RABEP1: variants seen among roughly 807,000 people sequenced by gnomAD.
RABEP1 encodes rab GTPase-binding effector protein 1.
RABEP1 carries 51 observed loss-of-function variants against 123.4 expected under a neutral mutation model. That is an observed-to-expected ratio of 0.41 (90% CI 0.33 to 0.52). The LOEUF (loss-of-function observed/expected upper bound fraction) is 0.52, where lower values mean the gene tolerates loss of function less well. Ranked by LOEUF, RABEP1 falls within the 20% of genes least tolerant of loss-of-function variation. The probability of loss-of-function intolerance (pLI) is 0.16; values close to 1 mark genes in which losing one functional copy is unlikely to be tolerated. For missense variants in RABEP1, 888 were observed against 996.3 expected (o/e 0.89, Z 1.46); for synonymous variants, 347 against 355.2 (o/e 0.98, Z 0.26).
At chr17:5,290,757 C>G (rs897057852) in intron 1 of RABEP1, among the ~76,000 whole-genome samples, 1 of 152,080 alleles carries the variant, frequency 6.6e-6, no homozygotes, top group African/African-American at 2.4e-5. Flanking sequence ...CCCAGCCTGA[C>G]TAATTTTTTT....
chr17:5,296,959 G>A (rs1443521198), intron 1 of RABEP1, among the ~76,000 whole-genome samples: 3 of 151,728 alleles, frequency 2.0e-5, no homozygotes. Flanking sequence ...GACTGGTCTC[G>A]AACTCTTGGC....
intron 1 of RABEP1, among the ~76,000 whole-genome samples, chr17:5,287,014 T>C (rs1275546578): frequency 6.6e-6 from 1 of 152,182 alleles, no homozygotes; most frequent in Non-Finnish European, 1.5e-5. Flanking sequence ...TTTTTGCATA[T>C]GCCTTGAGGG....
At chr17:5,293,015 TGTG>T (rs1301818541) in intron 1 of RABEP1, among the ~76,000 whole-genome samples, 1 of 152,210 alleles carries the variant, frequency 6.6e-6, no homozygotes, top group East Asian at 1.9e-4. Flanking sequence ...ATTGGCCAGG[TGTG>T]GTGGCTCATG....
At chr17:5,368,527 A>G (rs1377849020) in intron 12 of RABEP1, 59 bp downstream of exon 12, 3 of 1,200,886 alleles carry the variant, frequency 2.5e-6, no homozygotes, top group East Asian at 4.7e-5. Context: ...TTTTTGTTCT[A>G]TCTTGACATC....
intron 1 of RABEP1, among the ~76,000 whole-genome samples, chr17:5,305,181 TGTA>T (rs1193679698): frequency 2.0e-5 from 3 of 151,978 alleles, no homozygotes; most frequent in African/African-American, 7.3e-5. Flanking sequence ...GTCTCGATGT[TGTA>T]GTAAAGGCAT....
intron 6 of RABEP1, among the ~76,000 whole-genome samples, chr17:5,347,402 T>C (rs1335505191): frequency 6.8e-6 from 1 of 146,230 alleles, no homozygotes; most frequent in Non-Finnish European, 1.5e-5. Context: ...AGAGCGAGAC[T>C]TCATCTCAAA....
intron 12 of RABEP1, among the ~76,000 whole-genome samples, chr17:5,369,222 C>T (rs1910338663): frequency 6.6e-6 from 1 of 152,112 alleles, no homozygotes; most frequent in Non-Finnish European, 1.5e-5. Flanking sequence ...GGGATGGGGG[C>T]AGAGTGTTAT....
chr17:5,352,710 A>C (rs1297628288), intron 7 of RABEP1, among the ~76,000 whole-genome samples: 2 of 151,916 alleles, frequency 1.3e-5, no homozygotes, highest in Non-Finnish European at 2.9e-5. Context: ...ATGTGCCTGT[A>C]GTACCAGCTA....
At position 5,282,500 on chromosome 17, in the gene RABEP1, G is replaced by T. The variant is rs780942923; in HGVS notation, c.14G>T (p.Gly5Val). ...GGCCGCCTGGTCATGGCGCAGCCGG[G>T]CCCGGCTTCCCAGCCTGACGGTGAG... is the stretch of plus-strand genomic sequence containing the variant. MAQP[G>V]PASQPDVSLQ... The change falls in exon 1 of 18, where the codon GGC becomes GTC. Residue 5 changes from glycine (G) to valine (V), a missense_variant. Gly to Val is a moderately radical substitution (Grantham distance 109, BLOSUM62 -3). Transcript: ENST00000537505. 2.5e-5 allele frequency: 32 copies of T among 1,278,566 alleles called. No homozygotes were observed. Among genetic ancestry groups the T allele is most frequent in the Non-Finnish European group, 3.0e-5 (30 of 1,011,556 alleles). 79.2% of individuals were successfully genotyped at this position (1,278,566 alleles called of 1,614,324 possible). A position where few individuals can be genotyped will look rare whatever the true frequency, so the allele number is the denominator to read the frequency against.
chr17:5,287,322 A>G (rs7222662), intron 1 of RABEP1, among the ~76,000 whole-genome samples: 18,860 of 152,098 alleles, frequency 0.12, 1,891 homozygotes, highest in East Asian at 0.48. Flanking sequence ...CCTGACAAAC[A>G]GTATACAGGC....
chr17:5,335,551 C>A (rs991572575), intron 4 of RABEP1, among the ~76,000 whole-genome samples: 11 of 152,114 alleles, frequency 7.2e-5, no homozygotes, highest in Admixed American at 5.2e-4. Flanking sequence ...AATATCACTA[C>A]TTCATGGGGT....
At chr17:5,382,755 G>A (rs1281083581) in intron 17 of RABEP1, among the ~76,000 whole-genome samples, 1 of 151,642 alleles carries the variant, frequency 6.6e-6, no homozygotes, top group Non-Finnish European at 1.5e-5. Context: ...CCATCTGGAG[G>A]AAAAGAAAAA....
intron 5 of RABEP1, among the ~76,000 whole-genome samples, chr17:5,345,503 C>A (rs982382403): frequency 6.6e-6 from 1 of 152,076 alleles, no homozygotes; most frequent in African/African-American, 2.4e-5. Context: ...TTAATTAAAC[C>A]AAATGTTTAT....
chr17:5,297,457 T>C (rs182623696), intron 1 of RABEP1, among the ~76,000 whole-genome samples: 47 of 152,322 alleles, frequency 3.1e-4, no homozygotes, highest in African/African-American at 1.1e-3. Context: ...CTCATGAATC[T>C]CCTCTATTAA....
At chr17:5,366,955 G>A (rs1910048564) in intron 11 of RABEP1, among the ~76,000 whole-genome samples, 1 of 151,184 alleles carries the variant, frequency 6.6e-6, no homozygotes, top group African/African-American at 2.4e-5. Flanking sequence ...CGAGTGTTTC[G>A]GCGCATTCCT....
intron 15 of RABEP1, 79 bp from the exon 16 acceptor site, chr17:5,380,285 C>A: frequency 6.4e-6 from 6 of 943,054 alleles, no homozygotes; most frequent in Non-Finnish European, 9.5e-6. Flanking sequence ...TGTAATTCTC[C>A]AGGCTCTAGG....
chr17:5,338,247 A>T, intron 5 of RABEP1, 109 bp downstream of exon 5: 1 of 1,308,972 alleles, frequency 7.6e-7, no homozygotes, highest in Admixed American at 2.6e-5. Flanking sequence ...TAGACTATGC[A>T]TCTTAAGAAT....
intron 1 of RABEP1, among the ~76,000 whole-genome samples, chr17:5,291,190 C>T (rs2075029735): frequency 6.6e-6 from 1 of 152,048 alleles, no homozygotes; most frequent in South Asian, 2.1e-4. Flanking sequence ...GTGGGTGGAC[C>T]ACGCGGTCAG....
chr17:5,363,211 T>G (rs1030395125), intron 10 of RABEP1, among the ~76,000 whole-genome samples, 195 bp downstream of exon 10: 5 of 151,568 alleles, frequency 3.3e-5, no homozygotes, highest in Admixed American at 2.0e-4. Context: ...GCTTTTTTTT[T>G]TTTTGTTTTT....
Sources: allele counts gnomAD v4.1 joint callset (sites outside exome capture counted in the v4.1 genomes callset), GRCh38; gene constraint gnomAD v4.1.1; transcripts MANE v1.5; gene names NCBI Gene and HGNC (gene_info 2026-07-23, HGNC 2026-07-21).